Variants in RAD51B observed in about 807,000 individuals in gnomAD.
RAD51B encodes DNA repair protein RAD51 homolog 2.
A neutral mutation model predicts 42.2 loss-of-function variants in RAD51B; 38 were observed. That is an observed-to-expected ratio of 0.90 (90% confidence interval 0.70 to 1.18). The LOEUF (loss-of-function observed/expected upper bound fraction) is 1.18. RAD51B is among the 50% of genes most tolerant of loss of function. RAD51B has a pLI of 0.00. For synonymous variants in RAD51B, 154 were observed against 145.2 expected, an observed-to-expected ratio of 1.06 and a Z score of -0.43; for missense variants, 373 against 400.7, an observed-to-expected ratio of 0.93 and a Z score of 0.59.
rs1433000384 is a variant in RAD51B at position 68,238,174 on chromosome 14, C to T, written c.757-53710C>T. 3.3e-5 allele frequency among the ~76,000 whole-genome samples: 5 copies of T among 152,192 alleles called. No homozygotes were observed. In the East Asian group the frequency reaches 7.7e-4, roughly 23 times the overall value. On this transcript the variant is annotated intron_variant, in intron 7 of 10. Coordinates refer to ENST00000471583, the MANE Select transcript of RAD51B (RefSeq NM_133510.4). The stretch of plus-strand genomic sequence containing the variant: ...TTGAGGGTTCTAGTTTCTCCACATC[C>T]TTGCCAACACTTTTTATTGTCAGTC...
intron 7 of RAD51B, among the ~76,000 whole-genome samples, chr14:68,252,548 A>G (rs909984408): frequency 3.9e-5 from 6 of 152,356 alleles, no homozygotes; most frequent in Middle Eastern, 3.4e-3. Flanking sequence ...AGAAACATAC[A>G]TGGTATTTTA....
intron 7 of RAD51B, among the ~76,000 whole-genome samples, chr14:68,174,984 T>A (rs1007231361): frequency 1.3e-5 from 2 of 152,196 alleles, no homozygotes; most frequent in African/African-American, 4.8e-5. Context: ...TATTTGCCCA[T>A]GAGAAAGGAA....
intron 7 of RAD51B, among the ~76,000 whole-genome samples, chr14:68,038,736 C>T (rs1411432808): frequency 6.6e-6 from 1 of 152,074 alleles, no homozygotes; most frequent in Non-Finnish European, 1.5e-5. Context: ...CCCCCACCAG[C>T]TCCCAAGATC....
At chr14:68,516,072 A>T (rs1201982062) in intron 10 of RAD51B, among the ~76,000 whole-genome samples, 1 of 152,140 alleles carries the variant, frequency 6.6e-6, no homozygotes, top group Non-Finnish European at 1.5e-5. Flanking sequence ...GGCGTGAGCC[A>T]CCACGCCCTG....
chr14:67,833,684 T>C (rs1231438936), intron 3 of RAD51B, among the ~76,000 whole-genome samples: 1 of 152,216 alleles, frequency 6.6e-6, no homozygotes, highest in East Asian at 1.9e-4. Context: ...TTAAAACTTA[T>C]GAATTATTTC....
At chr14:68,527,597 T>A (rs1418473238) in intron 10 of RAD51B, among the ~76,000 whole-genome samples, 1 of 152,268 alleles carries the variant, frequency 6.6e-6, no homozygotes, top group Admixed American at 6.5e-5. Context: ...TTTCACTCCA[T>A]GTGATTTAGA....
intron 10 of RAD51B, among the ~76,000 whole-genome samples, chr14:68,557,812 T>C (rs1888931650): frequency 6.6e-6 from 1 of 152,224 alleles, no homozygotes; most frequent in Non-Finnish European, 1.5e-5. Flanking sequence ...GTAACGTGAC[T>C]GTTCTCTGCA....
At chr14:68,392,328 A>G (rs1664574518) in intron 8 of RAD51B, among the ~76,000 whole-genome samples, 1 of 152,178 alleles carries the variant, frequency 6.6e-6, no homozygotes, top group Admixed American at 6.5e-5. Context: ...AAGGCTTGTC[A>G]TAGGTTCCTT....
At chr14:68,224,722 T>A (rs1475084330) in intron 7 of RAD51B, among the ~76,000 whole-genome samples, 1 of 151,618 alleles carries the variant, frequency 6.6e-6, no homozygotes, top group Non-Finnish European at 1.5e-5. Flanking sequence ...AGAAGGAGAG[T>A]CTCACTGTGT....
chr14:68,451,329 T>A (rs1346878194), intron 9 of RAD51B, among the ~76,000 whole-genome samples: 2 of 152,178 alleles, frequency 1.3e-5, no homozygotes, highest in South Asian at 2.1e-4. Flanking sequence ...ATACCTTAAT[T>A]CCCTTATAAT....
intron 7 of RAD51B, among the ~76,000 whole-genome samples, chr14:68,047,184 A>G (rs1441430868): frequency 6.6e-6 from 1 of 152,136 alleles, no homozygotes; most frequent in Non-Finnish European, 1.5e-5. Context: ...TTAACACCAG[A>G]AAGCAAAAGA....
At chr14:68,594,862 A>C in exon 11 of RAD51B, 1 of 1,173,140 alleles carries the variant, frequency 8.5e-7, no homozygotes, top group Non-Finnish European at 1.1e-6. Flanking sequence ...TGTCCCAGGC[A>C]CACAGCCCAT....
intron 4 of RAD51B, among the ~76,000 whole-genome samples, chr14:67,863,964 G>GGA (rs1448749169): frequency 2.6e-5 from 4 of 151,646 alleles, no homozygotes; most frequent in Admixed American, 6.6e-5. Flanking sequence ...TGGCAGAACA[G>GGA]GAGAGAGAGA....
chr14:67,894,650 C>T (rs772129310), intron 7 of RAD51B, among the ~76,000 whole-genome samples: 1 of 152,204 alleles, frequency 6.6e-6, no homozygotes, highest in Non-Finnish European at 1.5e-5. Context: ...TTGTAAGTAA[C>T]TTCTCTGTCT....
chr14:68,082,829 C>T (rs1157503187), intron 7 of RAD51B, among the ~76,000 whole-genome samples: 1 of 152,050 alleles, frequency 6.6e-6, no homozygotes, highest in African/African-American at 2.4e-5. Context: ...TTAGTCTGAG[C>T]CTACATATTA....
intron 7 of RAD51B, among the ~76,000 whole-genome samples, chr14:67,951,765 G>T (rs908196062): frequency 6.6e-6 from 1 of 152,104 alleles, no homozygotes; most frequent in African/African-American, 2.4e-5. Context: ...GATCTGATGT[G>T]GCTGCAAAGT....
intron 7 of RAD51B, among the ~76,000 whole-genome samples, chr14:68,176,733 G>A (rs1317373942): frequency 6.6e-6 from 1 of 152,154 alleles, no homozygotes; most frequent in Non-Finnish European, 1.5e-5. Flanking sequence ...TTTGGATCAT[G>A]TATTCCCTGG....
In RAD51B at chr14:67,835,134, A is replaced by G. The variant is rs200543460; in HGVS notation, c.253A>G (p.Thr85Ala). 4.3e-6 allele frequency: 7 copies of G among 1,614,066 alleles called. No individual in the cohort carries two copies. The highest frequency in any genetic ancestry group is 5.1e-6 in the Non-Finnish European group (6 of 1,179,976). ...SADFSPAFLS[T>A]TLSALDEALH... ...TGATTTCTCACCAGCATTCTTATCT[A>G]CTACCCTTTCTGCTTTGGACGAAGC... Residue 85 changes from threonine to alanine, a missense_variant, in exon 4 of 11, where the codon ACT becomes GCT. By Grantham distance (58) the Thr-to-Ala change is moderately conservative (BLOSUM62 0). Transcript: ENST00000471583.
intron 6 of RAD51B, 139 bp downstream of exon 6, chr14:67,886,127 A>G (rs914865097): frequency 4.6e-6 from 3 of 648,602 alleles, no homozygotes; most frequent in Admixed American, 3.1e-5. Context: ...CTTCTTTGTT[A>G]TAGCCTTTTG....
Sources: allele counts gnomAD v4.1 joint callset (sites outside exome capture counted in the v4.1 genomes callset), GRCh38; gene constraint gnomAD v4.1.1; transcripts MANE v1.5; gene names NCBI Gene and HGNC (gene_info 2026-07-23, HGNC 2026-07-21).